SRCIN1: variants seen among roughly 807,000 people sequenced by gnomAD.
The protein encoded by SRCIN1 is P130Cas-associated protein.
A neutral mutation model predicts 116.2 loss-of-function variants in SRCIN1; 50 were observed. The observed-to-expected ratio is 0.43, with a 90% CI of 0.34 to 0.54. SRCIN1 has a LOEUF of 0.54. SRCIN1 is among the 20% of genes least tolerant of loss of function. SRCIN1 has a pLI of 0.02. For missense variants in SRCIN1, 1,446 were observed against 1,672.0 expected, an observed-to-expected ratio of 0.86 and a Z score of 2.36; for synonymous variants, 736 against 750.0, an observed-to-expected ratio of 0.98 and a Z score of 0.30.
rs1290523564 is a variant in SRCIN1, at chr17:38,544,912, GA to G, written c.3271-944del. 1 of 152,532 alleles carries G rather than the reference GA, an allele frequency of 6.6e-6. No individual in the cohort carries two copies. The highest frequency in any genetic ancestry group is 2.4e-5 in the African/African-American group (1 of 41,398). The allele number at this position is 152,532 out of a possible 1,614,324, so 9.4% of individuals were successfully genotyped here. A position where few individuals can be genotyped will look rare whatever the true frequency, so the allele number is the denominator to read the frequency against. On this transcript the variant is annotated intron_variant, in intron 17 of 18. Transcript: ENST00000617146. This position sits in a 1 kb window ranked among gnomAD's most constrained non-coding sequence, Gnocchi z 4.5. ...GGGTAGGGGTGGGGGGCTGCCAGGG[GA>G]CCCCATGGCAGGGCCTGTGCCCATG...
At chr17:38,576,931 C>A (rs1348374042) in intron 2 of SRCIN1, among the ~76,000 whole-genome samples, 7 of 152,062 alleles carry the variant, frequency 4.6e-5, no homozygotes, top group Non-Finnish European at 8.8e-5. Context: ...AACACAGCCA[C>A]CTTAGCCACC....
chr17:38,591,405 C>G (rs1226415883), intron 1 of SRCIN1, among the ~76,000 whole-genome samples: 1 of 152,206 alleles, frequency 6.6e-6, no homozygotes, highest in Non-Finnish European at 1.5e-5. Flanking sequence ...GGCCCAGCCC[C>G]CCAGCCATCT....
In SRCIN1 at chr17:38,558,206, C is replaced by A; in HGVS notation, c.2201+21G>T. On this transcript the variant is annotated intron_variant, in intron 11 of 18. Transcript: ENST00000617146. This position sits in a 1 kb window ranked among gnomAD's most constrained non-coding sequence, Gnocchi z 4.6. ...TCCAGCCGCACCCCCACCCCTCCCT[C>A]CGCCGCGGGCCCAGCCTCACTTGAG... is the stretch of plus-strand genomic sequence containing the variant. The A allele has an allele frequency of 6.2e-7, 1 of 1,604,898 alleles. No individual in the cohort carries two copies. Among genetic ancestry groups the A allele is most frequent in the Non-Finnish European group, 8.5e-7 (1 of 1,173,826 alleles).
intron 18 of SRCIN1, among the ~76,000 whole-genome samples, chr17:38,538,086 C>T (rs147045732): frequency 7.2e-4 from 100 of 138,394 alleles, no homozygotes; most frequent in African/African-American, 2.2e-3. Context: ...GGTGACAGAG[C>T]GAGGGTCCAT....
chr17:38,558,390 C>T lies in SRCIN1; in HGVS notation c.2038G>A (p.Glu680Lys). The T allele has an allele frequency of 6.2e-7, 1 of 1,601,972 alleles. No homozygotes were observed. The highest frequency in any genetic ancestry group is 8.5e-7 in the Non-Finnish European group (1 of 1,178,382). The change falls in exon 11 of 19, where the codon GAG (glutamate) becomes AAG (lysine). Residue 680 changes from glutamate (E) to lysine (K), a missense_variant. Physicochemically the swap from Glu to Lys is moderately conservative, Grantham distance 56 (BLOSUM62 1). Transcript: ENST00000617146. This position sits in a 1 kb window ranked among gnomAD's most constrained non-coding sequence, Gnocchi z 4.6. ...CGCTTCAGCAGCGCGCGCACCGACTCCTGGTTCTGTAGCTGCGGGACGCAC... is the reference window on the plus strand; with the variant it reads ...CGCTTCAGCAGCGCGCGCACCGACTTCTGGTTCTGTAGCTGCGGGACGCAC... The part of the protein sequence containing the change: ...QLRKLQLQNQ[E>K]SVRALLKRTE...
intron 3 of SRCIN1, 45 bp from the exon 4 acceptor site, chr17:38,564,358 C>T (rs776328704): frequency 8.3e-6 from 12 of 1,446,674 alleles, no homozygotes; most frequent in Non-Finnish European, 1.1e-5. Context: ...ATGAGCACCC[C>T]CCCTCCCCTT....
rs775703342 is a variant in SRCIN1 at position 38,560,337 on chromosome 17, G to T, written c.1789C>A (p.Pro597Thr). The change falls in exon 8 of 19, where the codon CCC (proline) becomes ACC (threonine). Residue 597 changes from proline (P) to threonine (T), a missense_variant. Pro to Thr is a conservative substitution (Grantham distance 38). Coordinates refer to ENST00000617146, the MANE Select transcript of SRCIN1 (RefSeq NM_025248.3). Reference sequence around the variant, plus strand: ...GTGTTGGGAGAGGGGCCTCACCTGGGGGTCTCAGGCTCAGAGCCTCGCAGT... The same window carrying T: ...GTGTTGGGAGAGGGGCCTCACCTGGTGGTCTCAGGCTCAGAGCCTCGCAGT... ...ALLRGSEPET[P>T]SEKIEGSNGA... is the part of the protein sequence containing the mutation. 14 of 1,608,502 alleles carry T rather than the reference G, an allele frequency of 8.7e-6. No individual in the cohort carries two copies. The highest frequency in any genetic ancestry group is 1.2e-5 in the Non-Finnish European group (14 of 1,177,486).
chr17:38,560,788 C>T (rs1290683423), intron 7 of SRCIN1, among the ~76,000 whole-genome samples: 5 of 152,202 alleles, frequency 3.3e-5, no homozygotes, highest in Non-Finnish European at 7.3e-5. Context: ...CCCCACTAGA[C>T]CAGGACAGGA....
intron 1 of SRCIN1, among the ~76,000 whole-genome samples, chr17:38,589,348 C>T (rs758007746): frequency 3.3e-5 from 5 of 152,228 alleles, no homozygotes; most frequent in Non-Finnish European, 5.9e-5. Context: ...TCATGCCAGT[C>T]CACGCAGCTC....
upstream of SRCIN1, among the ~76,000 whole-genome samples, chr17:38,606,647 T>G (rs1909383079): frequency 2.0e-5 from 3 of 152,122 alleles, no homozygotes; most frequent in Admixed American, 2.0e-4. This position sits in a 1 kb window ranked among gnomAD's most constrained non-coding sequence, Gnocchi z 5.2. Flanking sequence ...CGACGGTCCC[T>G]GCTCACGCCT....
chr17:38,603,163 CGA>C (rs922820607), intron 1 of SRCIN1, among the ~76,000 whole-genome samples: 4 of 149,572 alleles, frequency 2.7e-5, no homozygotes, highest in African/African-American at 9.9e-5. Flanking sequence ...GGGTCCCTGG[CGA>C]GAGAGAGGGA....
In SRCIN1 at chr17:38,568,937, T is replaced by G. The variant is rs1906894811; in HGVS notation, c.325-706A>C. Among the ~76,000 whole-genome samples, 1 of 128,088 alleles carries G rather than the reference T, an allele frequency of 7.8e-6. No homozygotes were observed. Among genetic ancestry groups the G allele is most frequent in the African/African-American group, 3.0e-5 (1 of 32,806 alleles). The allele number at this position is 128,088 out of a possible 152,430, so 84.0% of individuals were successfully genotyped here. ...TGGATCAGGATGGATGGGGCAGGGGTCGGAGGAGGGGGGCTGGGGCCCAAG... is the reference window on the plus strand; with the variant it reads ...TGGATCAGGATGGATGGGGCAGGGGGCGGAGGAGGGGGGCTGGGGCCCAAG... On this transcript the variant is annotated intron_variant, in intron 2 of 18. Transcript: ENST00000617146. The surrounding 1 kb of genome is among the most constrained non-coding windows in gnomAD (Gnocchi z 4.5).
chr17:38,577,165 C>T (rs1907468709), intron 2 of SRCIN1, among the ~76,000 whole-genome samples: 2 of 152,170 alleles, frequency 1.3e-5, no homozygotes, highest in African/African-American at 4.8e-5. Flanking sequence ...CTGCAGGAAG[C>T]CTTCCCCGAT....
At chr17:38,559,301 A>T (rs1053198941) in intron 10 of SRCIN1, 12 of 517,910 alleles carry the variant, frequency 2.3e-5, no homozygotes, top group Middle Eastern at 5.0e-4. Flanking sequence ...CTGGGGCTCC[A>T]GGAGGGCGAT....
Position 38,533,293 on chromosome 17 carries a change from G to A in SRCIN1, c.*4C>T. 1 of 1,550,306 alleles carries A rather than the reference G, an allele frequency of 6.5e-7. No homozygotes were observed. The highest frequency in any genetic ancestry group is 1.2e-5 in the South Asian group (1 of 84,440). Reference sequence around the variant, plus strand: ...GACAGGCGGGGCAGCGGGGTGAGGGGCTTCTAGAAGGAGATGGAAGAATTC... The same window carrying A: ...GACAGGCGGGGCAGCGGGGTGAGGGACTTCTAGAAGGAGATGGAAGAATTC... On this transcript the variant is annotated 3_prime_UTR_variant, in exon 19 of 19. Coordinates refer to ENST00000617146, the MANE Select transcript of SRCIN1 (RefSeq NM_025248.3).
At chr17:38,556,547 A>T (rs560675581) in intron 11 of SRCIN1, among the ~76,000 whole-genome samples, 1 of 152,088 alleles carries the variant, frequency 6.6e-6, no homozygotes, top group Non-Finnish European at 1.5e-5. Flanking sequence ...TGGAGTAACC[A>T]CGAGCTACAG....
At chr17:38,560,484 G>GC in intron 7 of SRCIN1, 59 bp from the exon 8 acceptor site, 3 of 1,403,910 alleles carry the variant, frequency 2.1e-6, no homozygotes, top group East Asian at 2.4e-5. Context: ...CTCCTGCCCA[G>GC]CCCCCCATTC....
In SRCIN1 at chr17:38,583,579, G is replaced by A. The variant is rs555259993; in HGVS notation, c.23-4788C>T. 2.2e-3 allele frequency among the ~76,000 whole-genome samples: 294 copies of A among 130,678 alleles called. 5 individuals carry two copies. The highest frequency in any genetic ancestry group is 8.4e-3 in the African/African-American group (285 of 34,040). The allele number at this position is 130,678 out of a possible 152,430, so 85.7% of individuals were successfully genotyped here. A position where few individuals can be genotyped will look rare whatever the true frequency, so the allele number is the denominator to read the frequency against. The stretch of plus-strand genomic sequence containing the variant: ...TTTTTTTTTTTTTTTTTGAGACAGA[G>A]TTTCACTCTATGGCCCAGGCTGGAG... On this transcript the variant is annotated intron_variant, in intron 1 of 18. Transcript: ENST00000617146.
At chr17:38,559,010 T>C (rs1906008393) in intron 10 of SRCIN1, 1 of 162,996 alleles carries the variant, frequency 6.1e-6, no homozygotes, top group Non-Finnish European at 1.3e-5. Context: ...TCTTACCCGT[T>C]GCCCAGATGG....
Sources: gnomAD v4.1 joint callset for allele counts (sites outside exome capture counted in the v4.1 genomes callset) on GRCh38, gnomAD v4.1.1 for gene constraint, Gnocchi (gnomAD v3.1) non-coding constraint, MANE v1.5 for transcripts, NCBI Gene and HGNC (gene_info 2026-07-23, HGNC 2026-07-21) for gene names.